Variants in MYO5B observed in about 807,000 individuals in gnomAD.
MYO5B encodes the protein myosin VB, also known as unconventional myosin-Vb.
A neutral mutation model predicts 229.3 loss-of-function variants in MYO5B; 143 were observed. That is an observed-to-expected ratio of 0.62 (90% CI 0.54 to 0.72). MYO5B has a LOEUF of 0.72. Ranked by LOEUF, MYO5B falls within the 30% of genes least tolerant of loss-of-function variation. The pLI is 0.00. For missense variants in MYO5B, 2,321 were observed against 2,331.0 expected (o/e 1.00, Z 0.09); for synonymous variants, 918 against 885.2 (o/e 1.04, Z -0.66).
chr18:50,111,308 A>C (rs1280878454), intron 1 of MYO5B, among the ~76,000 whole-genome samples: 2 of 152,260 alleles, frequency 1.3e-5, no homozygotes, highest in East Asian at 3.8e-4. Context: ...ATCTCACAGA[A>C]GTAAATTCTA....
At chr18:49,854,458 C>T (rs570967731) in intron 30 of MYO5B, among the ~76,000 whole-genome samples, 8 of 152,276 alleles carry the variant, frequency 5.3e-5, no homozygotes, top group South Asian at 2.1e-4. Flanking sequence ...CACAGGCAGC[C>T]GCATCTTCAG....
chr18:49,828,178 C>T (rs1193250068), intron 39 of MYO5B, among the ~76,000 whole-genome samples: 3 of 152,130 alleles, frequency 2.0e-5, no homozygotes, highest in Non-Finnish European at 2.9e-5. Flanking sequence ...TATAAGGTAT[C>T]CTCAAATAAG....
rs528997269 is a variant in MYO5B at position 49,896,193 on chromosome 18, G to C, written c.2812-1019C>G. Reference sequence around the variant, plus strand: ...CCTGTAAAATGCCACAGATGCTGTGGGGCCTTGTGGTTGTGACCAGTACGG... The same window carrying C: ...CCTGTAAAATGCCACAGATGCTGTGCGGCCTTGTGGTTGTGACCAGTACGG... On this transcript the variant is annotated intron_variant, in intron 21 of 39. Transcript: ENST00000285039. Among the ~76,000 whole-genome samples the C allele has an allele frequency of 9.9e-5, 15 of 152,216 alleles. No individual in the cohort carries two copies. In the South Asian group the frequency reaches 2.9e-3, roughly 29 times the overall value.
intron 1 of MYO5B, among the ~76,000 whole-genome samples, chr18:50,074,021 T>C (rs553326112): frequency 1.2e-4 from 19 of 152,178 alleles, no homozygotes; most frequent in Middle Eastern, 3.4e-3. Flanking sequence ...CCACAAACCA[T>C]GTGTATTAGT....
chr18:49,863,283 C>T lies in MYO5B; in HGVS notation c.3888G>A (p.Lys1296=). 6.2e-7 allele frequency: 1 copy of T among 1,613,778 alleles called. No homozygotes were observed. The highest frequency in any genetic ancestry group is 8.5e-7 in the Non-Finnish European group (1 of 1,180,024). The change falls in exon 29 of 40, where the codon AAG becomes AAA. Residue 1296 remains lysine (K), a synonymous_variant. Coordinates refer to ENST00000285039, the MANE Select transcript of MYO5B (RefSeq NM_001080467.3). ...CAATGGCATCCTCCTGGTCAACATGCTTTTCACTGTTAGGCCAACTTGATC... is the reference window on the plus strand; with the variant it reads ...CAATGGCATCCTCCTGGTCAACATGTTTTTCACTGTTAGGCCAACTTGATC... ...NARSSWPNSE[K]HVDQEDAIEA...
intron 39 of MYO5B, 148 bp downstream of exon 39, chr18:49,835,196 C>A: frequency 1.5e-6 from 1 of 653,316 alleles, no homozygotes. Flanking sequence ...TCATGTTTAC[C>A]TAAGTAGAAA....
At chr18:50,070,480 CA>C (rs761071786) in intron 1 of MYO5B, among the ~76,000 whole-genome samples, 1 of 151,768 alleles carries the variant, frequency 6.6e-6, no homozygotes, top group Non-Finnish European at 1.5e-5. Context: ...TTGATTATCA[CA>C]AGGGTTGGGG....
chr18:49,974,592 G>A lies in MYO5B; in HGVS notation c.1080C>T (p.Asn360=), dbSNP rs780147313. 1 of 1,613,990 alleles carries A rather than the reference G, an allele frequency of 6.2e-7. No homozygotes were observed. The highest frequency in any genetic ancestry group is 1.3e-5 in the African/African-American group (1 of 74,916). ...SISPQDVYLS[N]FCRLLGVEHS... ...GCTCCACCCCTAGCAGTCGGCAGAA[G>A]TTGCTTAGGTATACATCCTGGGGCT... is the stretch of plus-strand genomic sequence containing the variant. The change falls in exon 10 of 40, where the codon AAC becomes AAT. Residue 360 remains asparagine, a synonymous_variant. Coordinates refer to ENST00000285039, the MANE Select transcript of MYO5B (RefSeq NM_001080467.3).
chr18:49,900,965 G>C (rs1037184552), intron 21 of MYO5B, among the ~76,000 whole-genome samples: 1 of 152,198 alleles, frequency 6.6e-6, no homozygotes, highest in Non-Finnish European at 1.5e-5. Context: ...CCTGGTCCCA[G>C]CACTTTCTAT....
At chr18:49,996,547 G>C (rs760161029) in intron 5 of MYO5B, among the ~76,000 whole-genome samples, 11 of 152,182 alleles carry the variant, frequency 7.2e-5, no homozygotes, top group Non-Finnish European at 1.3e-4. Flanking sequence ...GTTGCAAACT[G>C]GTTGATGGAA....
At chr18:50,045,974 T>C (rs1056604409) in intron 2 of MYO5B, among the ~76,000 whole-genome samples, 25 of 152,310 alleles carry the variant, frequency 1.6e-4, no homozygotes, top group African/African-American at 6.0e-4. Context: ...CAAGATGGTA[T>C]AATCATAAAA....
At chr18:50,040,097 G>A (rs1203724499) in intron 3 of MYO5B, 46 bp downstream of exon 3, 2 of 1,598,562 alleles carry the variant, frequency 1.3e-6, no homozygotes, top group Non-Finnish European at 1.7e-6. Context: ...TCTAAAGCTG[G>A]TAAGCACTTT....
chr18:49,992,457 A>G lies in MYO5B; in HGVS notation c.613-26T>C, dbSNP rs1305523049. ...CTGCACAGACCAGACAGACAAAGGTATGAAAAAAAAAGAGGGCTTTCTTGA... is the reference window on the plus strand; with the variant it reads ...CTGCACAGACCAGACAGACAAAGGTGTGAAAAAAAAAGAGGGCTTTCTTGA... On this transcript the variant is annotated intron_variant, in intron 5 of 39. Coordinates refer to ENST00000285039, the MANE Select transcript of MYO5B (RefSeq NM_001080467.3). 3.7e-6 allele frequency: 6 copies of G among 1,613,956 alleles called. No homozygotes were observed. In the African/African-American group the frequency reaches 8.0e-5, roughly 22 times the overall value.
In MYO5B at chr18:50,169,697, G is replaced by C. The variant is rs556355861; in HGVS notation, c.27+25070C>G. Among the ~76,000 whole-genome samples the C allele has an allele frequency of 6.6e-4, 84 of 128,062 alleles. 21 individuals carry two copies. In the South Asian group the frequency reaches 0.021, roughly 32 times the overall value. 84.0% of individuals were successfully genotyped at this position (128,062 alleles called of 152,430 possible). A position where few individuals can be genotyped will look rare whatever the true frequency, so the allele number is the denominator to read the frequency against. On this transcript the variant is annotated intron_variant, in intron 1 of 39. Transcript: ENST00000285039. Reference sequence around the variant, plus strand: ...TACCGTTATCATAAAGGGTATTACTGAGTCAATGGACAAAACTTTAAACCC... The same window carrying C: ...TACCGTTATCATAAAGGGTATTACTCAGTCAATGGACAAAACTTTAAACCC...
intron 1 of MYO5B, among the ~76,000 whole-genome samples, chr18:50,128,198 G>T (rs983607613): frequency 3.3e-5 from 5 of 152,138 alleles, no homozygotes; most frequent in Non-Finnish European, 7.3e-5. Flanking sequence ...ACTACTATTG[G>T]TTTGGCAGAG....
At chr18:50,080,033 C>A (rs1016202555) in intron 1 of MYO5B, among the ~76,000 whole-genome samples, 3 of 152,184 alleles carry the variant, frequency 2.0e-5, no homozygotes, top group Non-Finnish European at 4.4e-5. Flanking sequence ...AATTTAGCCA[C>A]TTTTAAATGT....
intron 1 of MYO5B, among the ~76,000 whole-genome samples, chr18:50,124,391 G>A (rs1340232546): frequency 6.6e-6 from 1 of 152,156 alleles, no homozygotes; most frequent in Non-Finnish European, 1.5e-5. Flanking sequence ...CTTTTCCCAT[G>A]CACATGGTCC....
At chr18:49,867,439 T>C (rs1403708211) in intron 27 of MYO5B, among the ~76,000 whole-genome samples, 1 of 151,864 alleles carries the variant, frequency 6.6e-6, no homozygotes, top group Non-Finnish European at 1.5e-5. Context: ...ACTGAAGTCT[T>C]GGGAGGATGT....
intron 1 of MYO5B, among the ~76,000 whole-genome samples, chr18:50,150,248 G>T (rs1174665459): frequency 6.9e-6 from 1 of 144,250 alleles, no homozygotes; most frequent in Non-Finnish European, 1.5e-5. Flanking sequence ...CTGTAAACTA[G>T]TTCAACCATT....
Sources: allele counts gnomAD v4.1 joint callset (sites outside exome capture counted in the v4.1 genomes callset), GRCh38; gene constraint gnomAD v4.1.1; transcripts MANE v1.5; gene names NCBI Gene and HGNC (gene_info 2026-07-23, HGNC 2026-07-21).